Variants in MTDH observed in about 807,000 individuals in gnomAD.
MTDH encodes the protein metadherin, also known as protein LYRIC.
In MTDH, 34 loss-of-function variants were observed where a neutral mutation model predicts 72.7. The ratio of observed to expected loss-of-function variants is 0.47; its 90% confidence interval spans 0.36 to 0.62. MTDH has a LOEUF of 0.62. Ranked by LOEUF, MTDH falls within the 20% of genes least tolerant of loss-of-function variation. The pLI is 0.00. For synonymous variants in MTDH, 266 were observed against 268.9 expected (o/e 0.99, Z 0.10); for missense variants, 677 against 699.4 (o/e 0.97, Z 0.36).
chr8:97,716,242 C>T lies in MTDH; in HGVS notation c.1380+2473C>T, dbSNP rs552326768. 4.3e-4 allele frequency among the ~76,000 whole-genome samples: 66 copies of T among 152,050 alleles called. No homozygotes were observed. In the South Asian group the frequency reaches 0.013, roughly 29 times the overall value. On this transcript the variant is annotated intron_variant, in intron 9 of 11. Transcript: ENST00000336273. ...TCTCTACTAAAAATACAGCATTAACCGGGCATGGTTGCATGCACCTGTAAT... is the reference window on the plus strand; with the variant it reads ...TCTCTACTAAAAATACAGCATTAACTGGGCATGGTTGCATGCACCTGTAAT...
intron 2 of MTDH, among the ~76,000 whole-genome samples, chr8:97,668,654 A>G (rs1160829098): frequency 2.0e-5 from 3 of 151,934 alleles, no homozygotes; most frequent in Non-Finnish European, 4.4e-5. Flanking sequence ...TCCCAGGTTC[A>G]AGTGATTCTC....
At chr8:97,651,581 G>A (rs1300874362) in intron 1 of MTDH, among the ~76,000 whole-genome samples, 2 of 152,204 alleles carry the variant, frequency 1.3e-5, no homozygotes, top group East Asian at 3.8e-4. Context: ...GCATGTGCGT[G>A]TCCAGAAATG....
rs115589122 is a variant in MTDH at position 97,667,146 on chromosome 8, A to G, written c.483+5973A>G. ...GCTGGGACTGCAGATGCACACTACC[A>G]TGTGCCCAGCTAATTTTTTGTAGAG... On this transcript the variant is annotated intron_variant, in intron 2 of 11. Transcript: ENST00000336273. 7.7e-3 allele frequency among the ~76,000 whole-genome samples: 1,171 copies of G among 152,150 alleles called. 15 individuals are homozygous for G. The highest frequency in any genetic ancestry group is 0.026 in the African/African-American group (1,095 of 41,522).
intron 10 of MTDH, among the ~76,000 whole-genome samples, chr8:97,720,646 C>CTT (rs34801268): frequency 0.043 from 5,402 of 126,460 alleles, 220 homozygotes; most frequent in African/African-American, 0.083. Context: ...GTCTATTTGA[C>CTT]TTTTTTTTTT....
intron 3 of MTDH, 82 bp downstream of exon 3, chr8:97,686,834 T>G: frequency 1.1e-6 from 1 of 925,638 alleles, no homozygotes; most frequent in Non-Finnish European, 1.6e-6. Flanking sequence ...TGCATTTGTT[T>G]TACTTAATTT....
At chr8:97,687,705 T>C (rs1339747959) in intron 4 of MTDH, 100 bp downstream of exon 4, 1 of 1,066,686 alleles carries the variant, frequency 9.4e-7, no homozygotes, top group African/African-American at 1.6e-5. Context: ...TTTTGAATGC[T>C]AACATCATTG....
At chr8:97,672,060 A>G (rs1243706058) in intron 2 of MTDH, among the ~76,000 whole-genome samples, 2 of 152,228 alleles carry the variant, frequency 1.3e-5, no homozygotes, top group African/African-American at 4.8e-5. Flanking sequence ...GAGTTTATAC[A>G]CATGTGTATT....
In MTDH at chr8:97,720,593, T is replaced by A. The variant is rs561554947; in HGVS notation, c.1521+1404T>A. On this transcript the variant is annotated intron_variant, in intron 10 of 11. Coordinates refer to ENST00000336273, the MANE Select transcript of MTDH (RefSeq NM_178812.4). ...TTTGTGAAGAAGAATATATATATAT[T>A]TATTTATTTATTTATGTGTGTGTGT... Among the ~76,000 whole-genome samples the A allele has an allele frequency of 9.9e-5, 15 of 151,440 alleles. No individual in the cohort carries two copies. The East Asian group carries it at 1.7e-3, about 18-fold the overall frequency.
chr8:97,644,653 C>T lies in MTDH; in HGVS notation c.147C>T (p.Gly49=). The part of the protein sequence containing the change: ...DLGLEPKRYP[G]WVILVGTGAL... ...GGCTGGAGCCGAAACGGTACCCCGG[C>T]TGGGTGATCCTGGTGGGCACTGGCG... Residue 49 remains glycine, a synonymous_variant, in exon 1 of 12, where the codon GGC becomes GGT. Coordinates refer to ENST00000336273, the MANE Select transcript of MTDH (RefSeq NM_178812.4). The T allele has an allele frequency of 1.9e-6, 3 of 1,609,628 alleles. No individual in the cohort carries two copies. The highest frequency in any genetic ancestry group is 2.5e-6 in the Non-Finnish European group (3 of 1,178,984).
intron 2 of MTDH, among the ~76,000 whole-genome samples, chr8:97,672,492 A>T (rs548130459): frequency 6.6e-6 from 1 of 152,328 alleles, no homozygotes; most frequent in South Asian, 2.1e-4. Context: ...CCTTTAAGGT[A>T]AACAAAGCTA....
chr8:97,710,070 C>T (rs544326141), intron 8 of MTDH, among the ~76,000 whole-genome samples: 1 of 152,252 alleles, frequency 6.6e-6, no homozygotes, highest in Admixed American at 6.5e-5. Flanking sequence ...ATTACAAGAC[C>T]TTGAAACAGC....
chr8:97,711,009 AATAG>A (rs200340295), intron 8 of MTDH, among the ~76,000 whole-genome samples: 26 of 149,924 alleles, frequency 1.7e-4, no homozygotes, highest in East Asian at 9.6e-4. Context: ...CAAAAAAATA[AATAG>A]ATAGATAGAT....
chr8:97,727,968 C>A lies in MTDH; in HGVS notation c.*3298C>A, dbSNP rs1004535943. On this transcript the variant is annotated 3_prime_UTR_variant, in exon 12 of 12. Transcript: ENST00000336273. ...GGGGAGGGGAGGTCAGAATAATTCACCCAAATCTAGTGGTCTTATTTCATA... is the reference window on the plus strand; with the variant it reads ...GGGGAGGGGAGGTCAGAATAATTCAACCAAATCTAGTGGTCTTATTTCATA... 2.0e-5 allele frequency: 3 copies of A among 152,128 alleles called. No homozygotes were observed. In the East Asian group the frequency reaches 5.8e-4, roughly 29 times the overall value. 9.4% of individuals were successfully genotyped at this position (152,128 alleles called of 1,614,324 possible). A position where few individuals can be genotyped will look rare whatever the true frequency, so the allele number is the denominator to read the frequency against.
At chr8:97,660,473 A>G (rs1812133361) in intron 1 of MTDH, among the ~76,000 whole-genome samples, 1 of 152,216 alleles carries the variant, frequency 6.6e-6, no homozygotes, top group South Asian at 2.1e-4. Context: ...CATATGGGCC[A>G]AAAAATAAAA....
intron 1 of MTDH, among the ~76,000 whole-genome samples, chr8:97,647,000 T>G (rs1402788998): frequency 6.6e-6 from 1 of 152,226 alleles, no homozygotes; most frequent in Non-Finnish European, 1.5e-5. Flanking sequence ...CCCACTAAAT[T>G]CATTTCACAT....
intron 10 of MTDH, among the ~76,000 whole-genome samples, chr8:97,722,292 T>C (rs1439367228): frequency 2.0e-5 from 3 of 152,130 alleles, no homozygotes; most frequent in Non-Finnish European, 4.4e-5. Flanking sequence ...TCATCTTATT[T>C]ATATGAAACT....
intron 6 of MTDH, among the ~76,000 whole-genome samples, chr8:97,692,494 T>G (rs917361280): frequency 4.8e-5 from 7 of 146,966 alleles, no homozygotes; most frequent in Non-Finnish European, 9.0e-5. Context: ...TGCCTCAGCC[T>G]CCCAAGTAGC....
chr8:97,726,006 C>T lies in MTDH; in HGVS notation c.*1336C>T, dbSNP rs1306443675. ...ATGTGATTGGCTTGTTTTTATGTGG[C>T]GCCAAGAACGAACCTGTTTAACAGC... On this transcript the variant is annotated 3_prime_UTR_variant, in exon 12 of 12. Coordinates refer to ENST00000336273, the MANE Select transcript of MTDH (RefSeq NM_178812.4). 1 of 152,540 alleles carries T rather than the reference C, an allele frequency of 6.6e-6. No individual in the cohort carries two copies. Among genetic ancestry groups the T allele is most frequent in the Admixed American group, 6.5e-5 (1 of 15,270 alleles). 9.4% of individuals were successfully genotyped at this position (152,540 alleles called of 1,614,324 possible). A position where few individuals can be genotyped will look rare whatever the true frequency, so the allele number is the denominator to read the frequency against.
chr8:97,707,279 G>A (rs1814392430), intron 8 of MTDH, among the ~76,000 whole-genome samples: 2 of 151,182 alleles, frequency 1.3e-5, no homozygotes, highest in South Asian at 4.2e-4. Flanking sequence ...AGACTCCTGA[G>A]TAGCTGGGAT....
Sources: allele counts gnomAD v4.1 joint callset (sites outside exome capture counted in the v4.1 genomes callset), GRCh38; gene constraint gnomAD v4.1.1; transcripts MANE v1.5; gene names NCBI Gene and HGNC (gene_info 2026-07-23, HGNC 2026-07-21).